The following ZNF638 variants were observed in gnomAD, a reference collection of about 807,000 sequenced individuals.
ZNF638 encodes zinc finger protein 638.
In ZNF638, 46 loss-of-function variants were observed where a neutral mutation model predicts 195.6. The ratio of observed to expected loss-of-function variants is 0.24; its 90% confidence interval spans 0.19 to 0.30. ZNF638 has a LOEUF of 0.30. ZNF638 is among the 10% of genes least tolerant of loss of function. The pLI, the probability that ZNF638 is intolerant of heterozygous loss-of-function variation, is 1.00. For missense variants in ZNF638, 2,440 were observed against 2,325.3 expected, an observed-to-expected ratio of 1.05 and a Z score of -1.01; for synonymous variants, 845 against 772.0, an observed-to-expected ratio of 1.09 and a Z score of -1.57.
At chr2:71,396,332 A>C in intron 11 of ZNF638, 141 bp downstream of exon 11, 1 of 659,750 alleles carries the variant, frequency 1.5e-6, no homozygotes, top group Non-Finnish European at 2.6e-6. Flanking sequence ...ATAATCATCT[A>C]GCAATTTTGA....
At chr2:71,376,752 T>G (rs1037063429) in intron 8 of ZNF638, among the ~76,000 whole-genome samples, 1 of 152,184 alleles carries the variant, frequency 6.6e-6, no homozygotes, top group Non-Finnish European at 1.5e-5. Flanking sequence ...TAATATGGAT[T>G]TGTACAACTC....
At position 71,355,134 on chromosome 2, in the gene ZNF638, A is replaced by G. The variant is rs1021084226; in HGVS notation, c.1318-585A>G. ...CAGGTGCCCGCCACAACGCCTGGCT[A>G]ATTTTTTGTATTTTTAGTAGAGACA... On this transcript the variant is annotated intron_variant, in intron 2 of 27. Transcript: ENST00000264447. 3.3e-5 allele frequency among the ~76,000 whole-genome samples: 5 copies of G among 151,982 alleles called. No homozygotes were observed. In the South Asian group the frequency reaches 1.0e-3, roughly 32 times the overall value.
Position 71,380,251 on chromosome 2 carries a change from G to C in ZNF638, c.2295G>C (p.Glu765Asp), listed in dbSNP as rs2079512293. 1.9e-6 allele frequency: 3 copies of C among 1,569,346 alleles called. No individual in the cohort carries two copies. The highest frequency in any genetic ancestry group is 2.6e-6 in the Non-Finnish European group (3 of 1,163,142). Residue 765 changes from glutamate (E) to aspartate (D), a missense_variant, in exon 9 of 28, where the codon GAG (glutamate) becomes GAC (aspartate). This residue lies in a region of ZNF638 where 1,883 missense variants were observed against 1,739.1 expected (regional missense o/e 1.08). Transcript: ENST00000264447. ...AAGAGGTGAAGAAAAAGACTTTAGA[G>C]TCAAAGAAAGTATCTGCATCTACCT... ...QNKEVKKKTL[E>D]SKKVSASTLK...
chr2:71,348,027 T>TATA, intron 1 of ZNF638, among the ~76,000 whole-genome samples: 1 of 152,226 alleles, frequency 6.6e-6, no homozygotes, highest in South Asian at 2.1e-4. Context: ...GACAGTGCTC[T>TATA]ATATAGTTAA....
chr2:71,389,513 A>G (rs1189551145), intron 10 of ZNF638, among the ~76,000 whole-genome samples: 3 of 152,170 alleles, frequency 2.0e-5, no homozygotes, highest in African/African-American at 7.2e-5. Flanking sequence ...ACAGAGTATG[A>G]TGAGTTGTAT....
chr2:71,400,371 C>A, intron 14 of ZNF638, 107 bp from the exon 15 acceptor site: 3 of 1,162,762 alleles, frequency 2.6e-6, no homozygotes, highest in Non-Finnish European at 3.7e-6. Flanking sequence ...ATTCTCTAGA[C>A]TTGTTGTATT....
chr2:71,377,109 C>T (rs2079444127), intron 8 of ZNF638, among the ~76,000 whole-genome samples: 1 of 152,004 alleles, frequency 6.6e-6, no homozygotes, highest in Non-Finnish European at 1.5e-5. Flanking sequence ...CTTATCTCTT[C>T]AAAAAATTAA....
At chr2:71,425,020 G>A (rs35206241) in intron 23 of ZNF638, among the ~76,000 whole-genome samples, 33,757 of 151,950 alleles carry the variant, frequency 0.22, 4,628 homozygotes, top group African/African-American at 0.38. Context: ...ATAGGTTGTA[G>A]ACACAGAAAA....
At position 71,380,289 on chromosome 2, in the gene ZNF638, C is replaced by T; in HGVS notation, c.2324+9C>T. 6.5e-7 allele frequency: 1 copy of T among 1,541,906 alleles called. No individual in the cohort carries two copies. Among genetic ancestry groups the T allele is most frequent in the Non-Finnish European group, 8.7e-7 (1 of 1,146,590 alleles). On this transcript the variant is annotated intron_variant, in intron 9 of 27. Coordinates refer to ENST00000264447, the MANE Select transcript of ZNF638 (RefSeq NM_014497.5). ...TCTGCATCTACCTTAAAGTAAGTGA[C>T]TTTATGATTTCATATGTGAGAATGA...
At chr2:71,411,019 A>G (rs2080208944) in intron 20 of ZNF638, among the ~76,000 whole-genome samples, 1 of 93,922 alleles carries the variant, frequency 1.1e-5, no homozygotes, top group Non-Finnish European at 1.9e-5. Flanking sequence ...TTTTGTCGAG[A>G]TGGAGCCTGG....
chr2:71,420,101 GT>G (rs1164465572), intron 21 of ZNF638, among the ~76,000 whole-genome samples: 1 of 142,364 alleles, frequency 7.0e-6, no homozygotes, highest in Admixed American at 7.2e-5. Flanking sequence ...TTTTTGTTGT[GT>G]TTTTTTTTAG....
At position 71,418,590 on chromosome 2, in the gene ZNF638, A is replaced by G. The variant is rs973506811; in HGVS notation, c.3262-12A>G. 4 of 1,538,650 alleles carry G rather than the reference A, an allele frequency of 2.6e-6. No individual in the cohort carries two copies. Among genetic ancestry groups the G allele is most frequent in the Admixed American group, 2.0e-5 (1 of 50,170 alleles). On this transcript the variant is annotated splice_polypyrimidine_tract_variant and intron_variant, in intron 20 of 27. Transcript: ENST00000264447. ...TGGAATAGCCTCTAATAAAATGCTG[A>G]TTATATTACAGGTGCAAATTGAGCA...
chr2:71,376,537 G>T (rs1028538700), intron 8 of ZNF638, among the ~76,000 whole-genome samples: 9 of 152,134 alleles, frequency 5.9e-5, no homozygotes, highest in Non-Finnish European at 2.9e-5. Flanking sequence ...AAGAAGAAGA[G>T]CTGTGCTATA....
chr2:71,423,154 G>T lies in ZNF638; in HGVS notation c.3640G>T (p.Ala1214Ser), dbSNP rs765487611. ...TAACAGTGACTTGGAGAAGAAAGGG[G>T]CAGAAATTATTAACCCTAAAACAGC... ...MFNSDLEKKG[A>S]EIINPKTALL... Residue 1214 changes from alanine (A) to serine (S), a missense_variant, in exon 22 of 28, where the codon GCA becomes TCA. This residue lies in a region of ZNF638 where 1,883 missense variants were observed against 1,739.1 expected (regional missense o/e 1.08). Coordinates refer to ENST00000264447, the MANE Select transcript of ZNF638 (RefSeq NM_014497.5). 3.1e-6 allele frequency: 5 copies of T among 1,613,958 alleles called. No individual in the cohort carries two copies. The Admixed American group carries it at 6.7e-5, about 22-fold the overall frequency.
At chr2:71,337,992 G>T (rs1008591350) in intron 1 of ZNF638, among the ~76,000 whole-genome samples, 11 of 152,148 alleles carry the variant, frequency 7.2e-5, no homozygotes, top group Admixed American at 6.5e-5. Flanking sequence ...ATTAGATGTA[G>T]ATTATATGTC....
Position 71,355,251 on chromosome 2 carries a change from C to T in ZNF638, c.1318-468C>T, listed in dbSNP as rs369464320. On this transcript the variant is annotated intron_variant, in intron 2 of 27. Transcript: ENST00000264447. Reference sequence around the variant, plus strand: ...GATTACAGGCGTGAGCCACTGCGCCCGGCGGCATTTTTTGATTGTTGATGT... The same window carrying T: ...GATTACAGGCGTGAGCCACTGCGCCTGGCGGCATTTTTTGATTGTTGATGT... Among the ~76,000 whole-genome samples, 68 of 152,266 alleles carry T rather than the reference C, an allele frequency of 4.5e-4. No homozygotes were observed. The South Asian group carries it at 0.013, about 28-fold the overall frequency.
intron 21 of ZNF638, among the ~76,000 whole-genome samples, chr2:71,421,259 G>T (rs1051324965): frequency 1.3e-5 from 2 of 151,976 alleles, no homozygotes; most frequent in East Asian, 3.8e-4. Context: ...GAATGTCACT[G>T]CTCTTTTCTG....
At chr2:71,424,119 A>AT in intron 22 of ZNF638, 81 bp downstream of exon 22, 1 of 1,503,362 alleles carries the variant, frequency 6.7e-7, no homozygotes, top group East Asian at 2.3e-5. Context: ...AGGAGATGTA[A>AT]TTTTGTTTCA....
intron 1 of ZNF638, among the ~76,000 whole-genome samples, chr2:71,345,215 G>C (rs971499219): frequency 2.0e-5 from 3 of 152,066 alleles, no homozygotes; most frequent in Non-Finnish European, 4.4e-5. Context: ...AGTATATATA[G>C]GATTTAGTAC....
Sources: gnomAD v4.1 joint callset for allele counts (sites outside exome capture counted in the v4.1 genomes callset) on GRCh38, gnomAD v4.1.1 for gene constraint, gnomAD v4.1.1 regional missense constraint, MANE v1.5 for transcripts, NCBI Gene and HGNC (gene_info 2026-07-23, HGNC 2026-07-21) for gene names.